FGF14: variants seen among roughly 807,000 people sequenced by gnomAD.
FGF14 encodes the protein fibroblast growth factor homologous factor 4.
Under a neutral mutation model 25.5 loss-of-function variants are expected in FGF14, and 5 were observed. That is an observed-to-expected ratio of 0.20 (90% confidence interval 0.10 to 0.41). The LOEUF is 0.41. FGF14 is among the 10% of genes least tolerant of loss of function. The pLI is 1.00. For synonymous variants in FGF14, 138 were observed against 118.3 expected, an observed-to-expected ratio of 1.17 and a Z score of -1.08; for missense variants, 222 against 320.1, an observed-to-expected ratio of 0.69 and a Z score of 2.34.
intron 1 of FGF14, among the ~76,000 whole-genome samples, chr13:102,161,198 A>G (rs1340633016): frequency 2.0e-5 from 3 of 152,202 alleles, no homozygotes; most frequent in Non-Finnish European, 4.4e-5. Flanking sequence ...TCTTGAAGAG[A>G]TGAATGCATA....
chr13:102,162,597 T>C (rs1235737891), intron 1 of FGF14, among the ~76,000 whole-genome samples: 1 of 152,218 alleles, frequency 6.6e-6, no homozygotes, highest in Non-Finnish European at 1.5e-5. Flanking sequence ...TATGCATTAC[T>C]AGGCAGACGT....
intron 1 of FGF14, among the ~76,000 whole-genome samples, chr13:102,208,833 C>T (rs1299587487): frequency 6.6e-6 from 1 of 152,032 alleles, no homozygotes; most frequent in Non-Finnish European, 1.5e-5. Flanking sequence ...ACAGCTGTCC[C>T]CCTGTTGAAT....
intron 1 of FGF14, among the ~76,000 whole-genome samples, chr13:102,141,253 G>C (rs565617015): frequency 6.6e-6 from 1 of 152,156 alleles, no homozygotes; most frequent in African/African-American, 2.4e-5. Context: ...GGCAGTGACT[G>C]TTTCAGAGAC....
At position 102,234,553 on chromosome 13, in the gene FGF14, A is replaced by G. The variant is rs181082129; in HGVS notation, c.208+166918T>C. ...AAAAATGGTTAAGATGGCACATTTT[A>G]TGTTATGTGCATTTTACTATAATTA... On this transcript the variant is annotated intron_variant, in intron 1 of 4. Transcript: ENST00000376131. Among the ~76,000 whole-genome samples, 52 of 152,342 alleles carry G rather than the reference A, an allele frequency of 3.4e-4. No individual in the cohort carries two copies. The East Asian group carries it at 9.2e-3, about 27-fold the overall frequency.
intron 1 of FGF14, among the ~76,000 whole-genome samples, chr13:102,255,835 G>C (rs1235649966): frequency 6.6e-6 from 1 of 152,142 alleles, no homozygotes; most frequent in Non-Finnish European, 1.5e-5. Context: ...AACTTCTAAA[G>C]GGCTAATATT....
chr13:101,747,564 A>T (rs531659552), intron 3 of FGF14, among the ~76,000 whole-genome samples: 1 of 152,112 alleles, frequency 6.6e-6, no homozygotes, highest in African/African-American at 2.4e-5. Flanking sequence ...AAAACGACAA[A>T]AACTCACCTT....
chr13:102,082,820 T>C (rs1295000676), intron 1 of FGF14, among the ~76,000 whole-genome samples: 7 of 149,698 alleles, frequency 4.7e-5, no homozygotes, highest in African/African-American at 1.7e-4. Context: ...TAGCCGGGCG[T>C]AGTGGCGGGC....
chr13:102,043,240 A>C (rs2140008499), intron 1 of FGF14, among the ~76,000 whole-genome samples: 1 of 152,300 alleles, frequency 6.6e-6, no homozygotes, highest in South Asian at 2.1e-4. Context: ...AATCCGGATA[A>C]GCAAAATGAA....
intron 1 of FGF14, among the ~76,000 whole-genome samples, chr13:102,370,892 A>G (rs892471372): frequency 2.0e-5 from 3 of 151,798 alleles, no homozygotes; most frequent in African/African-American, 7.3e-5. Context: ...GTTCACATAC[A>G]TGAACTATCC....
rs777091940 is a variant in FGF14 at position 101,715,620 on chromosome 13, C to A, written c.*7211G>T. The A allele has an allele frequency of 6.2e-7, 1 of 1,613,040 alleles. No individual in the cohort carries two copies. Among genetic ancestry groups the A allele is most frequent in the Non-Finnish European group, 8.5e-7 (1 of 1,179,216 alleles). On this transcript the variant is annotated 3_prime_UTR_variant, in exon 5 of 5. Transcript: ENST00000376143. ...TGCTGGGATGGATGGAATGGAAATGCATGTGAAATCTGGCTTGGCTCAGAA... is the reference window on the plus strand; with the variant it reads ...TGCTGGGATGGATGGAATGGAAATGAATGTGAAATCTGGCTTGGCTCAGAA...
chr13:101,922,892 T>A (rs145882139), intron 1 of FGF14, among the ~76,000 whole-genome samples: 142 of 152,132 alleles, frequency 9.3e-4, no homozygotes, highest in Middle Eastern at 3.4e-3. Flanking sequence ...ATTTTGTACA[T>A]TGATATATAT....
chr13:101,841,391 T>C (rs2140318593), intron 3 of FGF14, among the ~76,000 whole-genome samples: 1 of 152,056 alleles, frequency 6.6e-6, no homozygotes, highest in Non-Finnish European at 1.5e-5. Flanking sequence ...TGATTTTTTT[T>C]CCAGTATCTA....
intron 1 of FGF14, among the ~76,000 whole-genome samples, chr13:102,169,441 C>T (rs1005722415): frequency 3.3e-5 from 5 of 151,962 alleles, no homozygotes; most frequent in African/African-American, 1.2e-4. Flanking sequence ...TTGTGTGTTT[C>T]TGAACCATGT....
chr13:102,341,482 A>T (rs2056950227), intron 1 of FGF14, among the ~76,000 whole-genome samples: 1 of 152,180 alleles, frequency 6.6e-6, no homozygotes, highest in Non-Finnish European at 1.5e-5. Flanking sequence ...CAAAAAACAT[A>T]TAGTTCCTTC....
chr13:102,352,595 G>A (rs944524301), intron 1 of FGF14, among the ~76,000 whole-genome samples: 7 of 152,004 alleles, frequency 4.6e-5, no homozygotes, highest in South Asian at 2.1e-4. Flanking sequence ...GGCGGATCAC[G>A]AGGTCAGGAG....
chr13:102,235,642 C>T (rs1224749605), intron 1 of FGF14, among the ~76,000 whole-genome samples: 3 of 152,118 alleles, frequency 2.0e-5, no homozygotes, highest in Non-Finnish European at 4.4e-5. Flanking sequence ...TTTTTAATCC[C>T]TTATTTCTTA....
intron 1 of FGF14, among the ~76,000 whole-genome samples, chr13:102,027,807 C>T (rs1027912461): frequency 6.6e-6 from 1 of 151,926 alleles, no homozygotes; most frequent in Admixed American, 6.6e-5. Flanking sequence ...TATCCTGTCA[C>T]GATTTACCTG....
At chr13:101,780,960 C>G (rs1397783349) in intron 3 of FGF14, among the ~76,000 whole-genome samples, 1 of 152,132 alleles carries the variant, frequency 6.6e-6, no homozygotes, top group Non-Finnish European at 1.5e-5. Context: ...CTGCTGACAA[C>G]TCTGCCTCTA....
At chr13:102,120,001 C>T (rs2045645081) in intron 1 of FGF14, among the ~76,000 whole-genome samples, 1 of 152,090 alleles carries the variant, frequency 6.6e-6, no homozygotes, top group Admixed American at 6.5e-5. Flanking sequence ...ACCATCCTGC[C>T]ACCCAACCTC....
Sources: gnomAD v4.1 joint callset for allele counts (sites outside exome capture counted in the v4.1 genomes callset) on GRCh38, gnomAD v4.1.1 for gene constraint, MANE v1.5 for transcripts, NCBI Gene and HGNC (gene_info 2026-07-23, HGNC 2026-07-21) for gene names.